The following GASK1A variants were observed in gnomAD, a reference collection of about 807,000 sequenced individuals.
The protein encoded by GASK1A is Golgi-associated kinase 1A.
A neutral mutation model predicts 41.2 loss-of-function variants in GASK1A; 40 were observed. The ratio of observed to expected loss-of-function variants is 0.97; its 90% CI spans 0.75 to 1.27. The LOEUF (loss-of-function observed/expected upper bound fraction) is 1.27. GASK1A is among the 50% of genes most tolerant of loss of function. The pLI is 0.00. For synonymous variants in GASK1A, 316 were observed against 307.1 expected (o/e 1.03, Z -0.30); for missense variants, 678 against 745.1 (o/e 0.91, Z 1.05).
chr3:43,021,387 G>A (rs941174557), intron 1 of GASK1A, among the ~76,000 whole-genome samples: 6 of 152,172 alleles, frequency 3.9e-5, no homozygotes, highest in African/African-American at 1.4e-4. Flanking sequence ...CTGCCCAGGT[G>A]GCTTCCTCCT....
intron 1 of GASK1A, among the ~76,000 whole-genome samples, chr3:43,021,249 C>T (rs1052864414): frequency 6.6e-5 from 10 of 152,162 alleles, no homozygotes; most frequent in African/African-American, 2.4e-4. Flanking sequence ...CCCTGACATA[C>T]TTCCCTTCTG....
chr3:43,051,577 A>G (rs190704965), intron 2 of GASK1A, among the ~76,000 whole-genome samples: 2 of 152,312 alleles, frequency 1.3e-5, no homozygotes, highest in East Asian at 3.9e-4. Context: ...GGAGCTTTTC[A>G]CAGCCCCTTG....
intron 1 of GASK1A, among the ~76,000 whole-genome samples, chr3:43,016,168 C>T (rs546465172): frequency 1.0e-4 from 15 of 150,028 alleles, no homozygotes. Flanking sequence ...TGTGACGTTA[C>T]AGGAAGAGGC....
rs187783890 is a variant in GASK1A, at chr3:43,048,064, A to G, written c.1291-5457A>G. Among the ~76,000 whole-genome samples the G allele has an allele frequency of 4.6e-5, 7 of 152,334 alleles. No individual in the cohort carries two copies. In the East Asian group the frequency reaches 1.4e-3, roughly 29 times the overall value. ...ATGGGTTGCAATGAAAGATTAAAGG[A>G]GGAAATGGAATAGTGTTAAATGCAA... On this transcript the variant is annotated intron_variant, in intron 2 of 4. Coordinates refer to ENST00000430121, the MANE Select transcript of GASK1A (RefSeq NM_001129908.3).
At chr3:43,012,223 G>T (rs1228473061) in intron 1 of GASK1A, among the ~76,000 whole-genome samples, 1 of 150,234 alleles carries the variant, frequency 6.7e-6, no homozygotes, top group East Asian at 2.0e-4. Flanking sequence ...GGGGCTGTTT[G>T]AAGCCACTGG....
intron 2 of GASK1A, among the ~76,000 whole-genome samples, chr3:43,034,692 A>G (rs1199042343): frequency 4.6e-5 from 7 of 152,166 alleles, no homozygotes; most frequent in African/African-American, 1.7e-4. Flanking sequence ...TTGGGTTTCT[A>G]TTTTAGAAAA....
intron 1 of GASK1A, among the ~76,000 whole-genome samples, chr3:42,995,526 A>G (rs2089364508): frequency 6.6e-6 from 1 of 152,242 alleles, no homozygotes; most frequent in Non-Finnish European, 1.5e-5. Flanking sequence ...TCTGCAGGCC[A>G]GATTTGGCCT....
intron 1 of GASK1A, among the ~76,000 whole-genome samples, chr3:42,985,163 ATAAT>A (rs916083135): frequency 6.6e-6 from 1 of 152,226 alleles, no homozygotes; most frequent in Non-Finnish European, 1.5e-5. Flanking sequence ...AGAAGAAAAA[ATAAT>A]TAAAAAAATA....
At position 43,033,231 on chromosome 3, in the gene GASK1A, C is replaced by A; in HGVS notation, c.968C>A (p.Pro323His). Residue 323 changes from proline to histidine, a missense_variant, in exon 2 of 5, where the codon CCT becomes CAT. Transcript: ENST00000430121. ...GGGCTCTGTGGCCTGATCAAGAGGC[C>A]TGGGGACCTGCCTGAGGTCCTGTCC... ...SQGLCGLIKR[P>H]GDLPEVLSFH... is the part of the protein sequence containing the mutation. 6.4e-7 allele frequency: 1 copy of A among 1,551,720 alleles called. No homozygotes were observed. The highest frequency in any genetic ancestry group is 8.7e-7 in the Non-Finnish European group (1 of 1,147,002).
chr3:43,030,999 G>A (rs2089572851), intron 1 of GASK1A, among the ~76,000 whole-genome samples: 1 of 152,160 alleles, frequency 6.6e-6, no homozygotes, highest in South Asian at 2.1e-4. Context: ...TGTTTTGTGG[G>A]TGTTGTTTCT....
Position 43,056,838 on chromosome 3 carries a change from G to C in GASK1A, c.*452G>C, listed in dbSNP as rs17469719. The C allele has an allele frequency of 0.14, 22,149 of 152,894 alleles. 1,968 individuals are homozygous for C. Among genetic ancestry groups the C allele is most frequent in the South Asian group, 0.21 (1,002 of 4,830 alleles). 9.5% of individuals were successfully genotyped at this position (152,894 alleles called of 1,614,324 possible). A position where few individuals can be genotyped will look rare whatever the true frequency, so the allele number is the denominator to read the frequency against. On this transcript the variant is annotated 3_prime_UTR_variant, in exon 5 of 5. Transcript: ENST00000430121. The stretch of plus-strand genomic sequence containing the variant: ...TGGCTGAAAGTAGACTCAGGCTTAA[G>C]AAATGAAACATAATGCGTTTGTCTT...
chr3:43,018,547 C>G (rs1447580380), intron 1 of GASK1A, among the ~76,000 whole-genome samples: 2 of 152,168 alleles, frequency 1.3e-5, no homozygotes, highest in African/African-American at 4.8e-5. Context: ...TAAGCTGCTT[C>G]TGATGCTACC....
intron 2 of GASK1A, among the ~76,000 whole-genome samples, chr3:43,040,663 G>A (rs978446433): frequency 2.0e-5 from 3 of 151,988 alleles, no homozygotes; most frequent in Admixed American, 2.0e-4. Context: ...TTTCAGGTTG[G>A]GTTATTCCTT....
chr3:42,979,539 G>T lies in GASK1A; in HGVS notation c.-104G>T. ...CCCAGCCGAGTAGCCGCGCATCCTGGGAAGCCTGGCGAGCCACGGCGCCGG... is the reference window on the plus strand; with the variant it reads ...CCCAGCCGAGTAGCCGCGCATCCTGTGAAGCCTGGCGAGCCACGGCGCCGG... On this transcript the variant is annotated 5_prime_UTR_variant, in exon 1 of 5. Transcript: ENST00000430121. 8.4e-7 allele frequency: 1 copy of T among 1,188,832 alleles called. No homozygotes were observed. Among genetic ancestry groups the T allele is most frequent in the Non-Finnish European group, 1.1e-6 (1 of 946,470 alleles). 73.6% of individuals were successfully genotyped at this position (1,188,832 alleles called of 1,614,324 possible). A position where few individuals can be genotyped will look rare whatever the true frequency, so the allele number is the denominator to read the frequency against.
chr3:42,988,491 G>T (rs1412681565), intron 1 of GASK1A, among the ~76,000 whole-genome samples: 1 of 152,186 alleles, frequency 6.6e-6, no homozygotes, highest in Non-Finnish European at 1.5e-5. Context: ...GATAAGATTA[G>T]AAGAGAGAAA....
intron 1 of GASK1A, among the ~76,000 whole-genome samples, chr3:43,007,596 G>A (rs1182925308): frequency 2.0e-5 from 3 of 152,172 alleles, no homozygotes; most frequent in Non-Finnish European, 2.9e-5. Context: ...TTAGGATTCA[G>A]CTTTCATGAG....
At chr3:43,038,492 A>G (rs2089615983) in intron 2 of GASK1A, among the ~76,000 whole-genome samples, 1 of 152,170 alleles carries the variant, frequency 6.6e-6, no homozygotes, top group Non-Finnish European at 1.5e-5. Context: ...TTCGAATATC[A>G]ACATTACACT....
At chr3:43,048,807 A>G (rs1393075666) in intron 2 of GASK1A, among the ~76,000 whole-genome samples, 1 of 152,178 alleles carries the variant, frequency 6.6e-6, no homozygotes. Context: ...TCTGTAGGTG[A>G]GCCCTAGGTT....
intron 1 of GASK1A, among the ~76,000 whole-genome samples, chr3:43,003,242 C>T (rs1164740183): frequency 6.6e-6 from 1 of 152,126 alleles, no homozygotes; most frequent in African/African-American, 2.4e-5. Flanking sequence ...CACCTGTAAT[C>T]CCAGCACTTT....
Sources: gnomAD v4.1 joint callset for allele counts (sites outside exome capture counted in the v4.1 genomes callset) on GRCh38, gnomAD v4.1.1 for gene constraint, MANE v1.5 for transcripts, NCBI Gene and HGNC (gene_info 2026-07-23, HGNC 2026-07-21) for gene names.